Variants in RBM20 observed in about 807,000 individuals in gnomAD.
The protein encoded by RBM20 is RNA-binding protein 20.
A neutral mutation model predicts 110.1 loss-of-function variants in RBM20; 51 were observed. The observed-to-expected ratio is 0.46, with a 90% CI of 0.37 to 0.59. The LOEUF is 0.59. Among genes scored for constraint, RBM20 ranks in the 20% least tolerant of loss-of-function variants. The pLI is 0.00. For missense variants in RBM20, 1,512 were observed against 1,574.9 expected (o/e 0.96, Z 0.68); for synonymous variants, 589 against 618.2 (o/e 0.95, Z 0.70).
In RBM20 at chr10:110,835,947, T is replaced by G; in HGVS notation, c.3653T>G (p.Ile1218Ser). ...AGCCCGAGGCCAGAGGACAGCGGAATCGTGCCACGCTTCGAAAGGAAAAAG... is the reference window on the plus strand; with the variant it reads ...AGCCCGAGGCCAGAGGACAGCGGAAGCGTGCCACGCTTCGAAAGGAAAAAG... ...ADSPRPEDSG[I>S]VPRFERKKL Residue 1218 changes from isoleucine (I) to serine (S), a missense_variant, in exon 14 of 14, where the codon ATC becomes AGC. This residue lies in a region of RBM20 where 358 missense variants were observed against 384.2 expected (regional missense o/e 0.93). Transcript: ENST00000369519. The G allele has an allele frequency of 1.5e-6, 2 of 1,361,644 alleles. No individual in the cohort carries two copies. Among genetic ancestry groups the G allele is most frequent in the Non-Finnish European group, 2.0e-6 (2 of 977,794 alleles). The allele number at this position is 1,361,644 out of a possible 1,614,324, so 84.3% of individuals were successfully genotyped here.
chr10:110,831,900 A>G (rs950018450), intron 13 of RBM20, among the ~76,000 whole-genome samples: 3 of 152,142 alleles, frequency 2.0e-5, no homozygotes, highest in African/African-American at 7.2e-5. Context: ...GGCGACATAT[A>G]AAAAATACTC....
rs372370653 is a variant in RBM20 at position 110,821,608 on chromosome 10, G to C, written c.2989G>C (p.Val997Leu). The change falls in exon 11 of 14, where the codon GTG (valine) becomes CTG (leucine). Residue 997 changes from valine (V) to leucine (L), a missense_variant. By Grantham distance (32) the Val-to-Leu change is conservative (BLOSUM62 1). This residue lies in a region of RBM20 where 358 missense variants were observed against 384.2 expected (regional missense o/e 0.93). Coordinates refer to ENST00000369519, the MANE Select transcript of RBM20 (RefSeq NM_001134363.3). Reference sequence around the variant, plus strand: ...CACAAGCTGTCCCAGTGACATGGACGTGGAAATGCCTGGCCTAAATCTGGA... The same window carrying C: ...CACAAGCTGTCCCAGTGACATGGACCTGGAAATGCCTGGCCTAAATCTGGA... ...ASTSCPSDMDVEMPGLNLDAE... is the reference protein window; with the variant it reads ...ASTSCPSDMDLEMPGLNLDAE... 1.9e-6 allele frequency: 3 copies of C among 1,551,336 alleles called. No individual in the cohort carries two copies. Among genetic ancestry groups the C allele is most frequent in the Non-Finnish European group, 2.6e-6 (3 of 1,146,544 alleles).
At chr10:110,777,188 G>C (rs10885044) in intron 1 of RBM20, among the ~76,000 whole-genome samples, 2 of 152,050 alleles carry the variant, frequency 1.3e-5, no homozygotes, top group East Asian at 3.9e-4. Flanking sequence ...ACTTATGTCT[G>C]GTGGAGTAGA....
Position 110,837,217 on chromosome 10 carries a change from G to T in RBM20, c.*1239G>T, listed in dbSNP as rs1295366966. ...GGGTTTGACTGTATGTGCAGACTTTGATACCAAAATGTTATGAAAAGTCGT... is the reference window on the plus strand; with the variant it reads ...GGGTTTGACTGTATGTGCAGACTTTTATACCAAAATGTTATGAAAAGTCGT... On this transcript the variant is annotated 3_prime_UTR_variant, in exon 14 of 14. Coordinates refer to ENST00000369519, the MANE Select transcript of RBM20 (RefSeq NM_001134363.3). 1 of 152,190 alleles carries T rather than the reference G, an allele frequency of 6.6e-6. No homozygotes were observed. Among genetic ancestry groups the T allele is most frequent in the African/African-American group, 2.4e-5 (1 of 41,432 alleles). The allele number at this position is 152,190 out of a possible 1,614,324, so 9.4% of individuals were successfully genotyped here.
At chr10:110,793,288 A>G (rs1844507661) in intron 5 of RBM20, among the ~76,000 whole-genome samples, 1 of 152,090 alleles carries the variant, frequency 6.6e-6, no homozygotes, top group South Asian at 2.1e-4. Context: ...GCCTTTCATT[A>G]TTTACTTCCA....
chr10:110,831,843 T>C (rs1845060573), intron 13 of RBM20, among the ~76,000 whole-genome samples: 1 of 152,084 alleles, frequency 6.6e-6, no homozygotes, highest in Admixed American at 6.5e-5. Flanking sequence ...TTCATTCTAA[T>C]GTAGGTGACA....
intron 1 of RBM20, among the ~76,000 whole-genome samples, chr10:110,696,050 C>T (rs564528003): frequency 3.9e-5 from 6 of 152,290 alleles, no homozygotes; most frequent in Non-Finnish European, 8.8e-5. Context: ...AGGCCCTGTT[C>T]CAGAGCCAAT....
At chr10:110,757,378 T>A (rs371474967) in intron 1 of RBM20, among the ~76,000 whole-genome samples, 2 of 152,238 alleles carry the variant, frequency 1.3e-5, no homozygotes, top group Non-Finnish European at 2.9e-5. Flanking sequence ...ATGGGGTTCA[T>A]GTTTTGCTGA....
At chr10:110,679,712 A>T (rs1030878749) in intron 1 of RBM20, among the ~76,000 whole-genome samples, 1 of 152,232 alleles carries the variant, frequency 6.6e-6, no homozygotes, top group Non-Finnish European at 1.5e-5. Flanking sequence ...AGGCAAAGCC[A>T]CAGGCTGGCA....
chr10:110,758,601 A>AAGAT (rs1240714237), intron 1 of RBM20, among the ~76,000 whole-genome samples: 1 of 152,158 alleles, frequency 6.6e-6, no homozygotes, highest in Non-Finnish European at 1.5e-5. Flanking sequence ...CAGTCACATG[A>AAGAT]AGATATGAAG....
rs989278073 is a variant in RBM20, at chr10:110,763,057, G to A, written c.192-17744G>A. Among the ~76,000 whole-genome samples, 8 of 152,276 alleles carry A rather than the reference G, an allele frequency of 5.3e-5. No homozygotes were observed. In the East Asian group the frequency reaches 5.8e-4, roughly 11 times the overall value. On this transcript the variant is annotated intron_variant, in intron 1 of 13. Coordinates refer to ENST00000369519, the MANE Select transcript of RBM20 (RefSeq NM_001134363.3). ...GACTGAGTCAGCGGCTGAGGCCAACGGAGCCTGGGACAGCCTGTGGGCTGT... is the reference window on the plus strand; with the variant it reads ...GACTGAGTCAGCGGCTGAGGCCAACAGAGCCTGGGACAGCCTGTGGGCTGT...
At position 110,835,858 on chromosome 10, in the gene RBM20, C is replaced by T. The variant is rs759796296; in HGVS notation, c.3574-10C>T. On this transcript the variant is annotated splice_polypyrimidine_tract_variant and intron_variant, in intron 13 of 13. Transcript: ENST00000369519. ...TGCCCCTTCCTCCACTTCCCCTCTT[C>T]TTTCCACAGAAATATTTGTCCCAGC... The T allele has an allele frequency of 5.8e-6, 9 of 1,550,810 alleles. No homozygotes were observed. The highest frequency in any genetic ancestry group is 3.6e-5 in the South Asian group (3 of 83,974).
intron 1 of RBM20, among the ~76,000 whole-genome samples, chr10:110,771,216 G>A (rs1844184196): frequency 6.6e-6 from 1 of 152,038 alleles, no homozygotes; most frequent in African/African-American, 2.4e-5. Context: ...GAGTGCAGTG[G>A]TGTGATCTCA....
chr10:110,743,890 A>G (rs767874947), intron 1 of RBM20, among the ~76,000 whole-genome samples: 1 of 152,186 alleles, frequency 6.6e-6, no homozygotes, highest in Non-Finnish European at 1.5e-5. Flanking sequence ...TGCTGGGATT[A>G]CAGGTGTGAG....
At chr10:110,830,631 AAACAAAAACG>A (rs1323804948) in intron 12 of RBM20, among the ~76,000 whole-genome samples, 2 of 152,178 alleles carry the variant, frequency 1.3e-5, no homozygotes, top group Non-Finnish European at 2.9e-5. Context: ...TAAAATAAAC[AAACAAAAACG>A]AGAGAATTCT....
In RBM20 at chr10:110,829,076, C is replaced by T. The variant is rs564770085; in HGVS notation, c.3452-1985C>T. Among the ~76,000 whole-genome samples, 18 of 152,300 alleles carry T rather than the reference C, an allele frequency of 1.2e-4. No homozygotes were observed. The South Asian group carries it at 1.5e-3, about 12-fold the overall frequency. On this transcript the variant is annotated intron_variant, in intron 12 of 13. Transcript: ENST00000369519. ...CCCAGGGCTTCTTTCCTGGTACCAC[C>T]CAGCTGGTTCATCCTCCAGAGGCTG...
At chr10:110,733,933 G>A (rs1441184931) in intron 1 of RBM20, among the ~76,000 whole-genome samples, 1 of 152,202 alleles carries the variant, frequency 6.6e-6, no homozygotes, top group Non-Finnish European at 1.5e-5. Flanking sequence ...TGGGTGTGAT[G>A]TTTAATCATG....
Position 110,812,959 on chromosome 10 carries a change from T to A in RBM20, c.2550+12T>A. 6.9e-7 allele frequency: 1 copy of A among 1,439,900 alleles called. No individual in the cohort carries two copies. Among genetic ancestry groups the A allele is most frequent in the Non-Finnish European group, 9.2e-7 (1 of 1,092,252 alleles). 89.2% of individuals were successfully genotyped at this position (1,439,900 alleles called of 1,614,324 possible). On this transcript the variant is annotated intron_variant, in intron 9 of 13. Transcript: ENST00000369519. ...TGGCAGAGAATGAGGTAATGATCAA[T>A]TTCTTCCCCAGGTAAGGCGAGGCAG...
At chr10:110,643,856 G>A (rs1037486326), upstream of RBM20, among the ~76,000 whole-genome samples, 1 of 152,198 alleles carries the variant, frequency 6.6e-6, no homozygotes, top group Non-Finnish European at 1.5e-5. Flanking sequence ...GGCTCCAGCC[G>A]CGAGCAGATG....
Sources: allele counts gnomAD v4.1 joint callset (sites outside exome capture counted in the v4.1 genomes callset), GRCh38; gene constraint gnomAD v4.1.1; regional missense constraint gnomAD v4.1.1; transcripts MANE v1.5; gene names NCBI Gene and HGNC (gene_info 2026-07-23, HGNC 2026-07-21).